Variants in EFHB observed in about 807,000 individuals in gnomAD.
EFHB encodes the protein EF-hand domain-containing family member B.
In EFHB, 91 loss-of-function variants were observed where a neutral mutation model predicts 87.2. That is an observed-to-expected ratio of 1.04 (90% CI 0.88 to 1.24). The LOEUF is 1.24. EFHB is among the 50% of genes most tolerant of loss of function. EFHB has a pLI of 0.00. For synonymous variants in EFHB, 325 were observed against 333.6 expected, an observed-to-expected ratio of 0.97 and a Z score of 0.28; for missense variants, 1,084 against 998.8, an observed-to-expected ratio of 1.09 and a Z score of -1.15.
intron 9 of EFHB, among the ~76,000 whole-genome samples, chr3:19,896,342 A>G (rs778756025): frequency 6.6e-6 from 1 of 152,216 alleles, no homozygotes; most frequent in Non-Finnish European, 1.5e-5. Context: ...CAAGTTCCCA[A>G]GTGATAGTGA....
At chr3:19,900,029 C>T (rs1159482121) in intron 6 of EFHB, among the ~76,000 whole-genome samples, 1 of 152,078 alleles carries the variant, frequency 6.6e-6, no homozygotes. Flanking sequence ...GCTGAGATGA[C>T]GTCACTGTAC....
In EFHB at chr3:19,918,338, A is replaced by G; in HGVS notation, c.1071T>C (p.Tyr357=). Residue 357 remains tyrosine (Y), a synonymous_variant, in exon 4 of 13, where the codon TAT becomes TAC. Coordinates refer to ENST00000295824, the MANE Select transcript of EFHB (RefSeq NM_144715.4). Reference sequence around the variant, plus strand: ...CTAATGGTGCTCGTCGATTGCTAAGATATATAGATTCTTTTTTATCTTTAA... The same window carrying G: ...CTAATGGTGCTCGTCGATTGCTAAGGTATATAGATTCTTTTTTATCTTTAA... The part of the protein sequence containing the change: ...QKIKDKKESI[Y]LSNRRAPLGK... 6.2e-7 allele frequency: 1 copy of G among 1,612,494 alleles called. No homozygotes were observed.
chr3:19,889,864 G>A (rs1244745362), intron 9 of EFHB, among the ~76,000 whole-genome samples: 1 of 152,188 alleles, frequency 6.6e-6, no homozygotes, highest in Admixed American at 6.5e-5. Flanking sequence ...GCACATGCCT[G>A]TAATCCCAGC....
intron 1 of EFHB, among the ~76,000 whole-genome samples, chr3:19,923,135 C>G (rs1028430004): frequency 1.3e-5 from 2 of 151,956 alleles, no homozygotes; most frequent in Non-Finnish European, 2.9e-5. Flanking sequence ...GGCATGGTGG[C>G]GCATGCCTGT....
chr3:19,923,638 G>A (rs1392122467), intron 1 of EFHB, among the ~76,000 whole-genome samples: 1 of 152,176 alleles, frequency 6.6e-6, no homozygotes, highest in Non-Finnish European at 1.5e-5. Context: ...GCCTCCCAAA[G>A]GGGTGGGATT....
At position 19,934,071 on chromosome 3, in the gene EFHB, A is replaced by G; in HGVS notation, c.-53T>C. ...CCAAGAGCGCTCATCTCTAAGGGGAAAGCTGTACCTGGCTACAAAGACGCC... is the reference window on the plus strand; with the variant it reads ...CCAAGAGCGCTCATCTCTAAGGGGAGAGCTGTACCTGGCTACAAAGACGCC... On this transcript the variant is annotated 5_prime_UTR_variant, in exon 1 of 13. Coordinates refer to ENST00000295824, the MANE Select transcript of EFHB (RefSeq NM_144715.4). 2 of 1,528,446 alleles carry G rather than the reference A, an allele frequency of 1.3e-6. No individual in the cohort carries two copies. The highest frequency in any genetic ancestry group is 1.2e-5 in the South Asian group (1 of 81,652). The allele number at this position is 1,528,446 out of a possible 1,614,324, so 94.7% of individuals were successfully genotyped here. A position where few individuals can be genotyped will look rare whatever the true frequency, so the allele number is the denominator to read the frequency against.
intron 1 of EFHB, among the ~76,000 whole-genome samples, chr3:19,925,085 A>G (rs113144213): frequency 0.03 from 4,579 of 151,962 alleles, 229 homozygotes; most frequent in African/African-American, 0.1. Context: ...TACTAAAAAT[A>G]CAAAAAATTA....
intron 5 of EFHB, among the ~76,000 whole-genome samples, chr3:19,913,657 T>A (rs1695133603): frequency 6.6e-6 from 1 of 152,118 alleles, no homozygotes; most frequent in African/African-American, 2.4e-5. Context: ...CCCTACCAAA[T>A]TACCAATGAC....
At chr3:19,924,511 C>T (rs1320121880) in intron 1 of EFHB, among the ~76,000 whole-genome samples, 2 of 152,092 alleles carry the variant, frequency 1.3e-5, no homozygotes, top group African/African-American at 4.8e-5. Flanking sequence ...TGCGCCAGGC[C>T]TTTTCTCACT....
chr3:19,930,742 A>G (rs996672741), intron 1 of EFHB, among the ~76,000 whole-genome samples: 1 of 152,180 alleles, frequency 6.6e-6, no homozygotes, highest in African/African-American at 2.4e-5. Flanking sequence ...AGCTAGGACT[A>G]CAGGCACATA....
chr3:19,938,728 A>G (rs1030233514), upstream of EFHB, among the ~76,000 whole-genome samples: 1 of 151,940 alleles, frequency 6.6e-6, no homozygotes, highest in African/African-American at 2.4e-5. Context: ...GTCTCTCCTC[A>G]CCCCAAGGAT....
upstream of EFHB, among the ~76,000 whole-genome samples, chr3:19,936,833 A>AAT (rs776196319): frequency 2.9e-3 from 443 of 151,646 alleles, 1 homozygote; most frequent in Non-Finnish European, 5.0e-3. Flanking sequence ...GCGCCATTGC[A>AAT]CTCCAGCCTG....
At chr3:19,935,477 C>T (rs1217806403), upstream of EFHB, among the ~76,000 whole-genome samples, 2 of 151,354 alleles carry the variant, frequency 1.3e-5, no homozygotes, top group African/African-American at 2.4e-5. Flanking sequence ...TTTGGGAGGC[C>T]GAGGCAGGCA....
intron 1 of EFHB, among the ~76,000 whole-genome samples, chr3:19,922,840 C>T (rs1695483662): frequency 6.6e-6 from 1 of 152,224 alleles, no homozygotes; most frequent in Non-Finnish European, 1.5e-5. Flanking sequence ...AGTGTCCACA[C>T]ATGCTATGTG....
At chr3:19,918,979 C>CAAAAAAAAAA (rs11356910) in intron 3 of EFHB, among the ~76,000 whole-genome samples, 1 of 75,986 alleles carries the variant, frequency 1.3e-5, no homozygotes, top group Non-Finnish European at 2.7e-5. Context: ...GACTCAGTCT[C>CAAAAAAAAAA]AAAAAAAAAA....
intron 1 of EFHB, chr3:19,942,990 T>C: frequency 3.5e-6 from 1 of 285,558 alleles, no homozygotes; most frequent in Non-Finnish European, 6.8e-6. Flanking sequence ...ATCTCTCCCT[T>C]GTATTCTACT....
Position 19,896,810 on chromosome 3 carries a change from C to T in EFHB, c.1602G>A (p.Pro534=), listed in dbSNP as rs201486669. The change falls in exon 9 of 13, where the codon CCG becomes CCA. Residue 534 remains proline, a synonymous_variant. Transcript: ENST00000295824. ...TATCCTTGCCTCGAAGATATTCATC[C>T]GGAAGTCTATTATGGATGAGATCAC... is the stretch of plus-strand genomic sequence containing the variant. ...GVGDLIHNRL[P]DEYLRGKDRQ... is the part of the protein sequence containing the mutation. The T allele has an allele frequency of 4.5e-5, 73 of 1,613,716 alleles. 1 individual carries two copies. The South Asian group carries it at 5.1e-4, about 11-fold the overall frequency.
chr3:19,889,256 T>C (rs1282496004), intron 9 of EFHB, among the ~76,000 whole-genome samples: 1 of 152,202 alleles, frequency 6.6e-6, no homozygotes, highest in Non-Finnish European at 1.5e-5. Flanking sequence ...GCTGATTCAC[T>C]TGGGAGATGA....
chr3:19,918,530 A>T, intron 3 of EFHB, 118 bp from the exon 4 acceptor site: 1 of 981,590 alleles, frequency 1.0e-6, no homozygotes, highest in Non-Finnish European at 1.4e-6. Context: ...ACATTTCATT[A>T]TCATTATTGG....
Sources: gnomAD v4.1 joint callset for allele counts (sites outside exome capture counted in the v4.1 genomes callset) on GRCh38, gnomAD v4.1.1 for gene constraint, MANE v1.5 for transcripts, NCBI Gene and HGNC (gene_info 2026-07-23, HGNC 2026-07-21) for gene names.